Variants in PRKDC observed in about 807,000 individuals in gnomAD.
PRKDC encodes the protein protein kinase, DNA-activated, catalytic subunit.
PRKDC carries 82 observed loss-of-function variants against 486.9 expected under a neutral mutation model. The observed-to-expected ratio is 0.17, with a 90% confidence interval of 0.14 to 0.20. PRKDC has a LOEUF of 0.20. Ranked by LOEUF, PRKDC falls within the 10% of genes least tolerant of loss-of-function variation. PRKDC has a pLI of 1.00. For missense variants in PRKDC, 4,504 were observed against 5,038.2 expected (o/e 0.89, Z 3.21); for synonymous variants, 1,895 against 1,837.0 (o/e 1.03, Z -0.81).
intron 74 of PRKDC, among the ~76,000 whole-genome samples, chr8:47,792,063 G>A (rs2086891520): frequency 6.6e-6 from 1 of 152,006 alleles, no homozygotes; most frequent in Non-Finnish European, 1.5e-5. Context: ...TGGAACTGAA[G>A]GACATTATGT....
chr8:47,775,469 T>TCAAGTGATTCTCCTGCCTC lies in PRKDC; in HGVS notation c.12183-1111_12183-1093dup, dbSNP rs749921702. On this transcript the variant is annotated intron_variant, in intron 85 of 85. Transcript: ENST00000314191. ...TCACTGCAACCTCTGCCTCCTGGGT[T>TCAAGTGATTCTCCTGCCTC]CAAGTGATTCTCCTGCCTCAGCCTC... 1.1e-3 allele frequency among the ~76,000 whole-genome samples: 170 copies of TCAAGTGATTCTCCTGCCTC among 149,818 alleles called. 1 individual carries two copies. The highest frequency in any genetic ancestry group is 2.1e-3 in the Non-Finnish European group (143 of 67,600).
Position 47,889,076 on chromosome 8 carries a change from T to C in PRKDC, c.4218A>G (p.Leu1406=). The C allele has an allele frequency of 1.9e-6, 3 of 1,613,998 alleles. No individual in the cohort carries two copies. Among genetic ancestry groups the C allele is most frequent in the Non-Finnish European group, 2.5e-6 (3 of 1,179,894 alleles). ...PDVCVNLMKA[L]KMSPYKDILE... is the part of the protein sequence containing the mutation. ...GGATATCTTTGTATGGGGACATCTTTAGAGCTTTCATCAGATTCACACAAA... is the reference window on the plus strand; with the variant it reads ...GGATATCTTTGTATGGGGACATCTTCAGAGCTTTCATCAGATTCACACAAA... The change falls in exon 33 of 86, where the codon CTA becomes CTG. Residue 1406 remains leucine (L), a synonymous_variant. Transcript: ENST00000314191.
intron 25 of PRKDC, among the ~76,000 whole-genome samples, chr8:47,910,853 T>C (rs185657337): frequency 7.9e-5 from 12 of 152,234 alleles, no homozygotes; most frequent in African/African-American, 2.9e-4. Flanking sequence ...TTGATGCTGT[T>C]ATGAATAAGA....
rs2088305207 is a variant in PRKDC, at chr8:47,847,860, A to G, written c.7280+1294T>C. ...GACATGGATACTTCTCAAAAGACAT[A>G]AAAGCGGCCAACAAATATATATATA... On this transcript the variant is annotated intron_variant, in intron 54 of 85. Transcript: ENST00000314191. Among the ~76,000 whole-genome samples the G allele has an allele frequency of 2.1e-5, 3 of 146,208 alleles. No individual in the cohort carries two copies. In the Admixed American group the frequency reaches 2.1e-4, roughly 10 times the overall value.
intron 25 of PRKDC, among the ~76,000 whole-genome samples, chr8:47,909,985 G>T (rs146841356): frequency 2.6e-5 from 4 of 152,220 alleles, no homozygotes; most frequent in African/African-American, 9.6e-5. Context: ...TCTGAAGCAC[G>T]TGATCTTTGT....
At chr8:47,877,165 C>G (rs1290454976) in intron 40 of PRKDC, among the ~76,000 whole-genome samples, 1 of 152,140 alleles carries the variant, frequency 6.6e-6, no homozygotes, top group African/African-American at 2.4e-5. Flanking sequence ...CCAAGTATCT[C>G]CAAAAACAAA....
chr8:47,790,755 T>C (rs942961796), intron 74 of PRKDC, among the ~76,000 whole-genome samples: 2 of 151,942 alleles, frequency 1.3e-5, no homozygotes, highest in African/African-American at 4.8e-5. Context: ...CAGAAATAAA[T>C]TCACACACCT....
chr8:47,906,289 G>T lies in PRKDC; in HGVS notation c.2935-1313C>A, dbSNP rs560384050. 2.0e-5 allele frequency among the ~76,000 whole-genome samples: 3 copies of T among 152,252 alleles called. No individual in the cohort carries two copies. In the South Asian group the frequency reaches 6.2e-4, roughly 32 times the overall value. ...TTGGGCCCAGGAGGTGGAGGCTTTA[G>T]GGAACTATGACTGCACTACTGCACT... is the stretch of plus-strand genomic sequence containing the variant. On this transcript the variant is annotated intron_variant, in intron 25 of 85. Coordinates refer to ENST00000314191, the MANE Select transcript of PRKDC (RefSeq NM_006904.7).
intron 15 of PRKDC, among the ~76,000 whole-genome samples, chr8:47,933,578 GCATA>G (rs1181038172): frequency 1.3e-5 from 2 of 152,092 alleles, no homozygotes; most frequent in African/African-American, 4.8e-5. Flanking sequence ...ATACTTATGT[GCATA>G]CATAACTAAA....
chr8:47,828,358 T>A lies in PRKDC; in HGVS notation c.8398-11A>T. The A allele has an allele frequency of 6.5e-7, 1 of 1,538,602 alleles. No homozygotes were observed. Among genetic ancestry groups the A allele is most frequent in the Non-Finnish European group, 8.7e-7 (1 of 1,145,770 alleles). The stretch of plus-strand genomic sequence containing the variant: ...AATTATTGGGTCCCTCTGTAAAAAA[T>A]TCAAAACAAAGACAAATTAGGATCT... On this transcript the variant is annotated splice_polypyrimidine_tract_variant and intron_variant, in intron 61 of 85. Transcript: ENST00000314191.
chr8:47,788,188 C>A (rs766781368), intron 76 of PRKDC, among the ~76,000 whole-genome samples: 2 of 152,212 alleles, frequency 1.3e-5, no homozygotes, highest in African/African-American at 2.4e-5. Flanking sequence ...GAAGAACATT[C>A]GACTCTTCTG....
At chr8:47,938,641 CA>C (rs1260851850) in intron 11 of PRKDC, among the ~76,000 whole-genome samples, 1 of 152,006 alleles carries the variant, frequency 6.6e-6, no homozygotes, top group Non-Finnish European at 1.5e-5. Flanking sequence ...AGCTCACTGC[CA>C]CCTCTGCCTC....
intron 8 of PRKDC, 25 bp downstream of exon 8, chr8:47,943,949 A>C (rs754187204): frequency 1.1e-5 from 17 of 1,550,908 alleles, no homozygotes; most frequent in Non-Finnish European, 1.5e-5. Flanking sequence ...CATTAGAATA[A>C]TATTAATAGT....
chr8:47,915,475 A>T, intron 22 of PRKDC, 57 bp from the exon 23 acceptor site: 1 of 1,093,760 alleles, frequency 9.1e-7, no homozygotes, highest in Non-Finnish European at 1.3e-6. Context: ...GATTAAATAG[A>T]AGACATAGGA....
intron 80 of PRKDC, among the ~76,000 whole-genome samples, chr8:47,779,880 G>A (rs1443461324): frequency 1.4e-5 from 2 of 145,682 alleles, no homozygotes; most frequent in Non-Finnish European, 3.0e-5. Context: ...GAGCCACCAC[G>A]CCTGGCCTCT....
intron 55 of PRKDC, 56 bp from the exon 56 acceptor site, chr8:47,839,302 G>A: frequency 8.2e-7 from 1 of 1,224,676 alleles, no homozygotes; most frequent in East Asian, 2.4e-5. Flanking sequence ...TGGCCCTTTT[G>A]TTCAACTACA....
At chr8:47,857,420 C>A in intron 48 of PRKDC, 121 bp from the exon 49 acceptor site, 3 of 1,099,362 alleles carry the variant, frequency 2.7e-6, no homozygotes, top group African/African-American at 1.6e-5. Context: ...AAGCCAAAAG[C>A]GAGGTAAGCA....
intron 52 of PRKDC, among the ~76,000 whole-genome samples, chr8:47,851,573 C>G (rs2088404198): frequency 6.6e-6 from 1 of 152,216 alleles, no homozygotes; most frequent in South Asian, 2.1e-4. Context: ...CTCATCCAGC[C>G]CAACAGTGAC....
At chr8:47,810,652 G>A (rs1322633003) in intron 68 of PRKDC, among the ~76,000 whole-genome samples, 1 of 152,168 alleles carries the variant, frequency 6.6e-6, no homozygotes, top group African/African-American at 2.4e-5. Context: ...AAGCAGCTAT[G>A]TTAACTATGC....
Sources: gnomAD v4.1 joint callset for allele counts (sites outside exome capture counted in the v4.1 genomes callset) on GRCh38, gnomAD v4.1.1 for gene constraint, MANE v1.5 for transcripts, NCBI Gene and HGNC (gene_info 2026-07-23, HGNC 2026-07-21) for gene names.